The following EYA1 variants were observed in gnomAD, a reference collection of about 807,000 sequenced individuals.
EYA1 encodes protein phosphatase EYA1.
EYA1 carries 16 observed loss-of-function variants against 82.0 expected under a neutral mutation model. The ratio of observed to expected loss-of-function variants is 0.20; its 90% CI spans 0.13 to 0.30. The LOEUF is 0.30. EYA1 is among the 10% of genes least tolerant of loss of function. EYA1 has a pLI of 1.00. For synonymous variants in EYA1, 261 were observed against 264.4 expected, an observed-to-expected ratio of 0.99 and a Z score of 0.12; for missense variants, 633 against 730.7, an observed-to-expected ratio of 0.87 and a Z score of 1.54.
chr8:71,448,324 A>G (rs1766521420), intron 2 of EYA1, among the ~76,000 whole-genome samples: 1 of 152,164 alleles, frequency 6.6e-6, no homozygotes, highest in Non-Finnish European at 1.5e-5. Context: ...ATAAGAGTGG[A>G]TTCCCTCTCA....
Position 71,299,064 on chromosome 8 carries a change from A to G in EYA1, c.809T>C (p.Val270Ala), listed in dbSNP as rs1342127067. 6.8e-6 allele frequency: 11 copies of G among 1,613,990 alleles called. No homozygotes were observed. In the African/African-American group the frequency reaches 1.5e-4, roughly 22 times the overall value. The change falls in exon 9 of 18, where the codon GTT (valine) becomes GCT (alanine). Residue 270 changes from valine to alanine, a missense_variant. Coordinates refer to ENST00000340726, the MANE Select transcript of EYA1 (RefSeq NM_000503.6). The stretch of plus-strand genomic sequence containing the variant: ...ATAATTACCTGCTGTGGGATCTGTA[A>G]CTGCTTGGCTGGTGATGCCAGATGG... ...EPPSGITSQA[V>A]TDPTAEYSTI...
chr8:71,484,078 C>T (rs1256198160), intron 2 of EYA1, among the ~76,000 whole-genome samples: 1 of 152,182 alleles, frequency 6.6e-6, no homozygotes, highest in Non-Finnish European at 1.5e-5. Context: ...GCTGGTTGAC[C>T]TCACTGGTCC....
intron 2 of EYA1, among the ~76,000 whole-genome samples, chr8:71,473,187 C>A (rs1305927065): frequency 6.6e-6 from 1 of 151,624 alleles, no homozygotes; most frequent in East Asian, 1.9e-4. Context: ...GCAACAAAAG[C>A]CAAAATTGAC....
At chr8:71,410,827 G>A (rs1246993283) in intron 2 of EYA1, among the ~76,000 whole-genome samples, 4 of 138,068 alleles carry the variant, frequency 2.9e-5, no homozygotes, top group Non-Finnish European at 4.7e-5. Context: ...CAGATTCAAT[G>A]CCATCCCCAT....
chr8:71,198,695 C>G lies in EYA1; in HGVS notation c.*645G>C, dbSNP rs1291889043. The G allele has an allele frequency of 6.5e-6, 1 of 154,420 alleles. No homozygotes were observed. The highest frequency in any genetic ancestry group is 1.4e-5 in the Non-Finnish European group (1 of 69,282). The allele number at this position is 154,420 out of a possible 1,614,324, so 9.6% of individuals were successfully genotyped here. On this transcript the variant is annotated 3_prime_UTR_variant, in exon 18 of 18. Coordinates refer to ENST00000340726, the MANE Select transcript of EYA1 (RefSeq NM_000503.6). ...ATACTTAAAACTACTATGCAATGTG[C>G]TAAAATTCAAAGTACTGTACTTGCC...
At chr8:71,217,789 T>G (rs140499534) in intron 12 of EYA1, among the ~76,000 whole-genome samples, 1 of 152,364 alleles carries the variant, frequency 6.6e-6, no homozygotes, top group East Asian at 1.9e-4. Context: ...CAGATCTTAT[T>G]TTTAAATCCC....
At chr8:71,312,811 TGGC>T (rs1821494491) in intron 7 of EYA1, among the ~76,000 whole-genome samples, 2 of 152,252 alleles carry the variant, frequency 1.3e-5, no homozygotes, top group Non-Finnish European at 2.9e-5. Flanking sequence ...GGTTAGTCCT[TGGC>T]ATATAAAAAG....
At chr8:71,274,141 T>A (rs1378313846) in intron 9 of EYA1, among the ~76,000 whole-genome samples, 1 of 152,210 alleles carries the variant, frequency 6.6e-6, no homozygotes, top group Non-Finnish European at 1.5e-5. Context: ...TAAATCATGT[T>A]ATCTAAAGTT....
chr8:71,413,000 C>G (rs560600477), intron 2 of EYA1, among the ~76,000 whole-genome samples: 1 of 152,050 alleles, frequency 6.6e-6, no homozygotes, highest in African/African-American at 2.4e-5. Context: ...TTGTGTGAAG[C>G]GGCAGAGTCA....
chr8:71,201,094 CCTG>C (rs1375003619), intron 17 of EYA1, among the ~76,000 whole-genome samples: 1 of 147,856 alleles, frequency 6.8e-6, no homozygotes, highest in Non-Finnish European at 1.5e-5. Flanking sequence ...CCTAGTAAGC[CCTG>C]CTAAGGAGTT....
At chr8:71,510,255 C>T (rs1473806171) in intron 2 of EYA1, among the ~76,000 whole-genome samples, 1 of 152,130 alleles carries the variant, frequency 6.6e-6, no homozygotes, top group Non-Finnish European at 1.5e-5. Context: ...GCAAGTCCAG[C>T]TCACCACGAT....
intron 2 of EYA1, among the ~76,000 whole-genome samples, chr8:71,376,462 T>A (rs1247177130): frequency 6.6e-6 from 1 of 152,144 alleles, no homozygotes; most frequent in Non-Finnish European, 1.5e-5. Context: ...ATCTGATTTA[T>A]GTGTAAGGAA....
intron 2 of EYA1, among the ~76,000 whole-genome samples, chr8:71,535,400 ATTAAT>A (rs761590629): frequency 2.5e-4 from 38 of 152,244 alleles, no homozygotes; most frequent in Admixed American, 5.9e-4. Context: ...AAAAATTGAC[ATTAAT>A]TTAAGTTTTA....
rs547700752 is a variant in EYA1, at chr8:71,481,316, T to C, written c.33+54428A>G. ...GAGTAGCATTTTTTATTTATAAAAA[T>C]AGCAAGCACATGCTAGCCAAGGCTG... On this transcript the variant is annotated intron_variant, in intron 2 of 18. Transcript: ENST00000643681. Among the ~76,000 whole-genome samples, 10 of 152,308 alleles carry C rather than the reference T, an allele frequency of 6.6e-5. No homozygotes were observed. The South Asian group carries it at 8.3e-4, about 13-fold the overall frequency.
intron 6 of EYA1, among the ~76,000 whole-genome samples, chr8:71,317,905 T>C (rs1326293027): frequency 6.6e-6 from 1 of 152,236 alleles, no homozygotes; most frequent in Admixed American, 6.5e-5. Context: ...CATTATTCTC[T>C]CTTGTTTTAT....
intron 17 of EYA1, among the ~76,000 whole-genome samples, chr8:71,204,962 A>G (rs1807561925): frequency 6.6e-6 from 1 of 152,226 alleles, no homozygotes; most frequent in African/African-American, 2.4e-5. Context: ...CTTTACAAAA[A>G]TAACATTCAC....
chr8:71,278,248 T>C (rs1054238894), intron 9 of EYA1, among the ~76,000 whole-genome samples: 1 of 152,232 alleles, frequency 6.6e-6, no homozygotes, highest in African/African-American at 2.4e-5. Context: ...TTCATATTAA[T>C]CTATATAAAA....
chr8:71,315,657 T>C (rs1013527239), intron 7 of EYA1, among the ~76,000 whole-genome samples: 1 of 152,228 alleles, frequency 6.6e-6, no homozygotes, highest in African/African-American at 2.4e-5. Context: ...ATTTTATTAC[T>C]AGAGCCTAGG....
At chr8:71,225,189 G>C (rs1219720210) in intron 12 of EYA1, 1 of 455,782 alleles carries the variant, frequency 2.2e-6, no homozygotes, top group Non-Finnish European at 4.4e-6. Context: ...GCTTTCTAAG[G>C]GCACGTCCAA....
Sources: allele counts gnomAD v4.1 joint callset (sites outside exome capture counted in the v4.1 genomes callset), GRCh38; gene constraint gnomAD v4.1.1; transcripts MANE v1.5; gene names NCBI Gene and HGNC (gene_info 2026-07-23, HGNC 2026-07-21).